KCNH5: variants seen among roughly 807,000 people sequenced by gnomAD.
KCNH5 encodes voltage-gated delayed rectifier potassium channel KCNH5.
A neutral mutation model predicts 96.1 loss-of-function variants in KCNH5; 46 were observed. That is an observed-to-expected ratio of 0.48 (90% CI 0.38 to 0.61). The LOEUF (loss-of-function observed/expected upper bound fraction) is 0.61. KCNH5 is among the 20% of genes least tolerant of loss of function. KCNH5 has a pLI of 0.00. For synonymous variants in KCNH5, 439 were observed against 449.8 expected (o/e 0.98, Z 0.30); for missense variants, 907 against 1,225.8 (o/e 0.74, Z 3.88).
chr14:62,926,408 G>GCACA (rs1889477314), intron 7 of KCNH5, among the ~76,000 whole-genome samples: 2 of 151,890 alleles, frequency 1.3e-5, no homozygotes, highest in African/African-American at 2.4e-5. Context: ...TTGTGCACAT[G>GCACA]CACACACACG....
chr14:62,903,994 G>T (rs1888980235), intron 7 of KCNH5, among the ~76,000 whole-genome samples: 1 of 151,746 alleles, frequency 6.6e-6, no homozygotes, highest in Non-Finnish European at 1.5e-5. Context: ...TATTTCTTAA[G>T]AAACTAAAAC....
At chr14:62,982,026 T>C (rs1395650944) in intron 5 of KCNH5, among the ~76,000 whole-genome samples, 1 of 152,148 alleles carries the variant, frequency 6.6e-6, no homozygotes, top group Non-Finnish European at 1.5e-5. Context: ...TGTGTATCCC[T>C]GGGCAAAGGT....
chr14:62,963,611 C>T (rs989562772), intron 6 of KCNH5, among the ~76,000 whole-genome samples: 2 of 152,106 alleles, frequency 1.3e-5, no homozygotes, highest in African/African-American at 4.8e-5. Flanking sequence ...GAGAATTCCT[C>T]CTTCTTCCAT....
chr14:63,030,182 T>C (rs1891599110), intron 1 of KCNH5, among the ~76,000 whole-genome samples: 1 of 152,218 alleles, frequency 6.6e-6, no homozygotes, highest in African/African-American at 2.4e-5. Flanking sequence ...TGAACTTTCC[T>C]TGAGATCCAG....
chr14:62,824,227 C>T (rs1177529409), intron 8 of KCNH5, among the ~76,000 whole-genome samples: 2 of 151,996 alleles, frequency 1.3e-5, no homozygotes, highest in Non-Finnish European at 2.9e-5. Context: ...ACAACCAATG[C>T]TTGAGATTCC....
chr14:62,957,325 C>T (rs1298247173), intron 6 of KCNH5, among the ~76,000 whole-genome samples: 2 of 152,302 alleles, frequency 1.3e-5, no homozygotes, highest in East Asian at 3.9e-4. Context: ...GATAATTCAG[C>T]CAATATTCCT....
chr14:62,853,001 C>G (rs890453353), intron 7 of KCNH5, among the ~76,000 whole-genome samples: 1 of 152,050 alleles, frequency 6.6e-6, no homozygotes, highest in African/African-American at 2.4e-5. Context: ...CTAACACATC[C>G]GAAAAGAAAC....
At chr14:62,917,680 C>T (rs1889301863) in intron 7 of KCNH5, among the ~76,000 whole-genome samples, 1 of 152,126 alleles carries the variant, frequency 6.6e-6, no homozygotes, top group Non-Finnish European at 1.5e-5. Flanking sequence ...AGCACTCTGA[C>T]GTGGTACTCT....
chr14:62,870,686 T>C (rs1485439063), intron 7 of KCNH5, among the ~76,000 whole-genome samples: 1 of 152,158 alleles, frequency 6.6e-6, no homozygotes, highest in Non-Finnish European at 1.5e-5. Flanking sequence ...AAGGCATAGT[T>C]TTAATACAAA....
At chr14:62,750,185 C>T (rs907679316) in intron 10 of KCNH5, among the ~76,000 whole-genome samples, 2 of 152,152 alleles carry the variant, frequency 1.3e-5, no homozygotes, top group Non-Finnish European at 2.9e-5. Context: ...TTGGGTTATT[C>T]CAGGCACATA....
chr14:62,707,770 G>C lies in KCNH5; in HGVS notation c.2705C>G (p.Pro902Arg), dbSNP rs754242458. The C allele has an allele frequency of 1.2e-6, 2 of 1,614,142 alleles. No individual in the cohort carries two copies. The highest frequency in any genetic ancestry group is 1.1e-5 in the South Asian group (1 of 91,084). ...CAGTGTGGTCTGTAAGGCCTGCTCG[G>C]GGATGGGATAAAAGGGGTGCTTGGC... ...ADAKHPFYPI[P>R]EQALQTTLQE... The change falls in exon 11 of 11, where the codon CCC becomes CGC. Residue 902 changes from proline (P) to arginine (R), a missense_variant. Pro to Arg is a moderately radical substitution (Grantham distance 103). Transcript: ENST00000322893.
chr14:62,750,462 C>T (rs983479662), intron 10 of KCNH5, among the ~76,000 whole-genome samples: 4 of 152,162 alleles, frequency 2.6e-5, no homozygotes, highest in Admixed American at 6.5e-5. Context: ...CTGTCATTGC[C>T]GTGGCTGAGG....
At chr14:62,848,146 A>T (rs1329159283) in intron 8 of KCNH5, among the ~76,000 whole-genome samples, 1 of 152,120 alleles carries the variant, frequency 6.6e-6, no homozygotes, top group Non-Finnish European at 1.5e-5. Context: ...GCTCTATTGC[A>T]TTTTCTGGAA....
chr14:62,946,416 A>C (rs762713896), intron 7 of KCNH5, among the ~76,000 whole-genome samples: 1 of 152,156 alleles, frequency 6.6e-6, no homozygotes, highest in South Asian at 2.1e-4. Context: ...TGTCCCAGTA[A>C]TCACATTCCT....
chr14:62,849,550 C>G, intron 8 of KCNH5, 103 bp downstream of exon 8: 1 of 881,878 alleles, frequency 1.1e-6, no homozygotes, highest in Non-Finnish European at 1.8e-6. Flanking sequence ...TACAGAATAA[C>G]AGTTACGAAG....
chr14:62,838,737 G>C (rs972627145), intron 8 of KCNH5, among the ~76,000 whole-genome samples: 5 of 152,140 alleles, frequency 3.3e-5, no homozygotes, highest in Admixed American at 6.6e-5. Flanking sequence ...AAGTTTCCCT[G>C]TGTGTGATCT....
chr14:62,750,371 C>A (rs951823065), intron 10 of KCNH5, among the ~76,000 whole-genome samples: 1 of 152,218 alleles, frequency 6.6e-6, no homozygotes, highest in African/African-American at 2.4e-5. Context: ...AGTTTGCTGT[C>A]ATTGACAAGC....
intron 2 of KCNH5, 103 bp from the exon 3 acceptor site, chr14:63,006,575 A>G (rs1424338089): frequency 1.5e-6 from 1 of 676,000 alleles, no homozygotes; most frequent in Non-Finnish European, 2.6e-6. Flanking sequence ...GTGGCTAGAA[A>G]ATATAATATT....
In KCNH5 at chr14:62,826,920, T is replaced by C. The variant is rs574211062; in HGVS notation, c.1569+22733A>G. ...GAAACGACTTCATGAATCAGAAGTT[T>C]TAAAAAATCAGTGTAGAAATAGAAA... On this transcript the variant is annotated intron_variant, in intron 8 of 10. Transcript: ENST00000322893. Among the ~76,000 whole-genome samples the C allele has an allele frequency of 2.7e-4, 41 of 152,094 alleles. No homozygotes were observed. The Middle Eastern group carries it at 0.014, about 50-fold the overall frequency.
Sources: gnomAD v4.1 joint callset for allele counts (sites outside exome capture counted in the v4.1 genomes callset) on GRCh38, gnomAD v4.1.1 for gene constraint, MANE v1.5 for transcripts, NCBI Gene and HGNC (gene_info 2026-07-23, HGNC 2026-07-21) for gene names.